Variants in OFD1 observed in about 807,000 individuals in gnomAD.
OFD1 encodes the protein OFD1 centriole and centriolar satellite protein.
A neutral mutation model predicts 81.4 loss-of-function variants in OFD1; 12 were observed. The ratio of observed to expected loss-of-function variants is 0.15; its 90% CI spans 0.09 to 0.24. The LOEUF is 0.24. Ranked by LOEUF, OFD1 falls within the 10% of genes least tolerant of loss-of-function variation. The probability of loss-of-function intolerance (pLI) is 1.00; values close to 1 mark genes in which losing one functional copy is unlikely to be tolerated. For missense variants in OFD1, 685 were observed against 733.9 expected (o/e 0.93, Z 0.77); for synonymous variants, 256 against 263.7 (o/e 0.97, Z 0.28).
At chrX:13,734,628 T>C, upstream of OFD1, 1 of 839,211 alleles carries the variant, frequency 1.2e-6, no homozygotes, top group Non-Finnish European at 1.5e-6. Context: ...CGCGATACCC[T>C]GGGATGTGCT....
intron 11 of OFD1, among the ~76,000 whole-genome samples, chrX:13,753,876 T>C (rs1345987733): frequency 8.9e-6 from 1 of 112,720 alleles, no homozygotes; most frequent in African/African-American, 3.2e-5. Context: ...TTTTATGCTT[T>C]ATAATATTTT....
the OFD1 span, among the ~76,000 whole-genome samples, chrX:13,723,254 G>A: frequency 9.0e-6 from 1 of 111,307 alleles, no homozygotes; most frequent in African/African-American, 3.3e-5. Flanking sequence ...TGCAACCTCC[G>A]CCTCCCAGGT....
intron 6 of OFD1, among the ~76,000 whole-genome samples, chrX:13,745,756 C>T (rs1168128696): frequency 8.9e-6 from 1 of 111,974 alleles, no homozygotes; most frequent in Non-Finnish European, 1.9e-5. Flanking sequence ...GGTTTGAGGG[C>T]CATGGACTAA....
intron 9 of OFD1, among the ~76,000 whole-genome samples, chrX:13,750,425 T>C (rs2146988419): frequency 8.9e-6 from 1 of 111,784 alleles, no homozygotes; most frequent in South Asian, 3.8e-4. Context: ...TACCTGTTCT[T>C]AGACTAGTCA....
At chrX:13,768,336 A>G in intron 21 of OFD1, 112 bp downstream of exon 21, 2 of 619,823 alleles carry the variant, frequency 3.2e-6, no homozygotes, top group Non-Finnish European at 5.4e-6. Context: ...AAAGGTGAAA[A>G]GTATAGAAAA....
chrX:13,773,116 TA>T (rs2048330803), downstream of OFD1: 2 of 836,670 alleles, frequency 2.4e-6, no homozygotes, highest in Non-Finnish European at 1.7e-6. Flanking sequence ...GACTTGACTT[TA>T]AAGGGGCGAA....
intron 5 of OFD1, among the ~76,000 whole-genome samples, chrX:13,743,678 T>C (rs1195519089): frequency 8.9e-6 from 1 of 112,365 alleles, no homozygotes; most frequent in Non-Finnish European, 1.9e-5. Flanking sequence ...TATGATTTTG[T>C]TCATGTTTAT....
Position 13,744,440 on chromosome X carries a change from A to G in OFD1, c.438A>G (p.Glu146=). 1 of 1,182,146 alleles carries G rather than the reference A, an allele frequency of 8.5e-7. No homozygotes were observed. The highest frequency in any genetic ancestry group is 3.0e-5 in the East Asian group (1 of 33,767). Residue 146 remains glutamate (E), a synonymous_variant, in exon 6 of 23, where the codon GAA becomes GAG. Transcript: ENST00000340096. ...GTTTTCTTATGCATTTTTTAAAAGA[A>G]TTGGCAGAATATCATCAAGCTAAAG... The part of the protein sequence containing the change: ...QKGFLMHFLK[E]LAEYHQAKES...
intron 18 of OFD1, among the ~76,000 whole-genome samples, chrX:13,763,327 A>C (rs968326171): frequency 8.9e-6 from 1 of 112,485 alleles, no homozygotes; most frequent in Non-Finnish European, 1.9e-5. Flanking sequence ...TTAGCCTTGT[A>C]AACTTCATCT....
chrX:13,751,953 T>C (rs995916210), intron 10 of OFD1, among the ~76,000 whole-genome samples: 2 of 112,574 alleles, frequency 1.8e-5, no homozygotes, highest in African/African-American at 6.5e-5. Flanking sequence ...TGTGACTTGC[T>C]TAGCTTGCAT....
intron 7 of OFD1, 124 bp downstream of exon 7, chrX:13,746,579 G>A: frequency 2.2e-6 from 2 of 897,918 alleles, no homozygotes; most frequent in Non-Finnish European, 3.1e-6. Flanking sequence ...GTACTGTTGT[G>A]CAAATTTTTT....
Position 13,760,667 on chromosome X carries a change from C to G in OFD1, c.2207C>G (p.Ser736Cys). Reference sequence around the variant, plus strand: ...GGCACTTCCTCCAGACGCCTCTCTTCCACACCCCTTCCAAAAGCAAAAAGA... The same window carrying G: ...GGCACTTCCTCCAGACGCCTCTCTTGCACACCCCTTCCAAAAGCAAAAAGA... ...RGGTSSRRLS[S>C]TPLPKAKRSL... Residue 736 changes from serine (S) to cysteine (C), a missense_variant, in exon 16 of 23, where the codon TCC (serine) becomes TGC (cysteine). Ser to Cys is a moderately radical substitution (Grantham distance 112). Around this residue, in one of 3 missense-constraint regions of OFD1, gnomAD observed 259 missense variants for 254.4 expected, o/e 1.02. Coordinates refer to ENST00000340096, the MANE Select transcript of OFD1 (RefSeq NM_003611.3). 1.7e-6 allele frequency: 2 copies of G among 1,211,475 alleles called. No individual in the cohort carries two copies. Among genetic ancestry groups the G allele is most frequent in the Non-Finnish European group, 2.2e-6 (2 of 895,276 alleles).
intron 10 of OFD1, chrX:13,753,038 G>A (rs2047563293): frequency 2.2e-6 from 2 of 899,028 alleles, no homozygotes; most frequent in African/African-American, 2.1e-5. Flanking sequence ...GTTGTGTGCT[G>A]TGTAAATTTA....
chrX:13,768,645 A>G (rs1036219337), intron 21 of OFD1, 73 bp from the exon 22 acceptor site: 1 of 801,853 alleles, frequency 1.2e-6, no homozygotes, highest in Non-Finnish European at 1.9e-6. Flanking sequence ...TATTTCAAAA[A>G]TGGTTCTTAA....
chrX:13,738,847 T>C lies in OFD1; in HGVS notation c.314T>C (p.Val105Ala), dbSNP rs776903334. 8.9e-7 allele frequency: 1 copy of C among 1,129,726 alleles called. No homozygotes were observed. The highest frequency in any genetic ancestry group is 1.8e-5 in the South Asian group (1 of 54,530). The allele number at this position is 1,129,726 out of a possible 1,213,427, so 93.1% of individuals were successfully genotyped here. The change falls in exon 4 of 23, where the codon GTA becomes GCA. Residue 105 changes from valine to alanine, a missense_variant and splice_region_variant. This residue lies in a region of OFD1 where 414 missense variants were observed against 447.2 expected (regional missense o/e 0.93). Coordinates refer to ENST00000340096, the MANE Select transcript of OFD1 (RefSeq NM_003611.3). Reference sequence around the variant, plus strand: ...CTTAGTAACCTATTTTTTCTTAAGGTATTTACTATGCAGGATCTATTACAA... The same window carrying C: ...CTTAGTAACCTATTTTTTCTTAAGGCATTTACTATGCAGGATCTATTACAA... ...FPESGLAKEKVFTMQDLLQLI... is the reference protein window; with the variant it reads ...FPESGLAKEKAFTMQDLLQLI...
intron 15 of OFD1, among the ~76,000 whole-genome samples, chrX:13,759,551 C>G (rs2147043422): frequency 9.0e-6 from 1 of 111,689 alleles, no homozygotes; most frequent in South Asian, 3.7e-4. Context: ...CTTTAGTCCC[C>G]CCATCTGTAA....
chrX:13,743,398 G>T (rs1052989022), intron 5 of OFD1, among the ~76,000 whole-genome samples: 2 of 112,132 alleles, frequency 1.8e-5, no homozygotes, highest in African/African-American at 6.5e-5. Flanking sequence ...TTGTTTTATT[G>T]TTTGCTTTTT....
rs1277013744 is a variant in OFD1 at position 13,736,502 on chromosome X, C to G, written c.136C>G (p.His46Asp). The change falls in exon 3 of 23, where the codon CAT (histidine) becomes GAT (aspartate). Residue 46 changes from histidine to aspartate, a missense_variant. Coordinates refer to ENST00000340096, the MANE Select transcript of OFD1 (RefSeq NM_003611.3). ...GACACAACTTCGAAACCAGCTAATT[C>G]ATGAGTTGATGCACCCTGTATTGAG... ...LKTQLRNQLI[H>D]ELMHPVLSGE... 5 of 1,209,182 alleles carry G rather than the reference C, an allele frequency of 4.1e-6. No individual in the cohort carries two copies. In the South Asian group the frequency reaches 5.3e-5, roughly 13 times the overall value.
the OFD1 span, chrX:13,714,583 T>C: frequency 5.0e-6 from 3 of 599,532 alleles, no homozygotes; most frequent in Non-Finnish European, 7.5e-6. Context: ...TTTTAAAGTT[T>C]TAAATTAAAA....
Sources: allele counts gnomAD v4.1 joint callset (sites outside exome capture counted in the v4.1 genomes callset), GRCh38; gene constraint gnomAD v4.1.1; regional missense constraint gnomAD v4.1.1; transcripts MANE v1.5; gene names NCBI Gene and HGNC (gene_info 2026-07-23, HGNC 2026-07-21).